The following EBF1 variants were observed in gnomAD, a reference collection of about 807,000 sequenced individuals.
The protein encoded by EBF1 is EBF transcription factor 1, also known as transcription factor COE1.
A neutral mutation model predicts 68.4 loss-of-function variants in EBF1; 10 were observed. The observed-to-expected ratio is 0.15, with a 90% CI of 0.09 to 0.25. EBF1 has a LOEUF of 0.25. EBF1 is among the 10% of genes least tolerant of loss of function. The pLI is 1.00. For missense variants in EBF1, 509 were observed against 794.4 expected, an observed-to-expected ratio of 0.64 and a Z score of 4.32; for synonymous variants, 298 against 299.8, an observed-to-expected ratio of 0.99 and a Z score of 0.06.
At chr5:158,791,182 G>A (rs1778526114) in intron 9 of EBF1, among the ~76,000 whole-genome samples, 2 of 151,992 alleles carry the variant, frequency 1.3e-5, no homozygotes, top group Non-Finnish European at 2.9e-5. Context: ...AGCTGGGTGT[G>A]GTGGCACGCA....
intron 8 of EBF1, among the ~76,000 whole-genome samples, chr5:158,819,445 CAG>C (rs1784393642): frequency 6.6e-6 from 1 of 152,214 alleles, no homozygotes; most frequent in Non-Finnish European, 1.5e-5. Flanking sequence ...CATTTTGCCA[CAG>C]GGGGAAGAAA....
chr5:158,747,397 T>C (rs1325131801), intron 10 of EBF1, among the ~76,000 whole-genome samples: 1 of 152,184 alleles, frequency 6.6e-6, no homozygotes, highest in African/African-American at 2.4e-5. Context: ...GGGTGAAGGA[T>C]TGGTAGGCAA....
At chr5:158,995,036 G>A (rs1274542809) in intron 6 of EBF1, among the ~76,000 whole-genome samples, 1 of 152,132 alleles carries the variant, frequency 6.6e-6, no homozygotes, top group Admixed American at 6.5e-5. Context: ...CCTTCTAATT[G>A]GTTACCCTCT....
intron 6 of EBF1, among the ~76,000 whole-genome samples, chr5:159,022,056 T>TTAA (rs765107678): frequency 9.5e-6 from 1 of 105,630 alleles, no homozygotes; most frequent in Admixed American, 1.1e-4. Flanking sequence ...GTCAGCACGA[T>TTAA]AAAAAAAAAA....
intron 2 of EBF1, 113 bp from the exon 3 acceptor site, chr5:159,096,519 C>T (rs1023159274): frequency 2.5e-6 from 3 of 1,180,422 alleles, no homozygotes; most frequent in African/African-American, 3.0e-5. Flanking sequence ...GCTGGCGAGC[C>T]AGGCAGCCAC....
chr5:158,973,168 ACT>A (rs1287913708), intron 6 of EBF1, among the ~76,000 whole-genome samples: 19 of 150,838 alleles, frequency 1.3e-4, no homozygotes, highest in African/African-American at 4.4e-4. Context: ...GGATTTTTTC[ACT>A]CTTTTATTTG....
intron 6 of EBF1, among the ~76,000 whole-genome samples, chr5:159,051,085 C>T (rs567647343): frequency 8.9e-4 from 136 of 152,112 alleles, no homozygotes; most frequent in Non-Finnish European, 1.5e-3. Context: ...TATGTTTTTA[C>T]CTCTTAAAGG....
intron 9 of EBF1, among the ~76,000 whole-genome samples, chr5:158,782,294 T>C (rs1221907828): frequency 1.3e-5 from 2 of 152,228 alleles, no homozygotes; most frequent in Non-Finnish European, 2.9e-5. Context: ...AATAGTGTCC[T>C]ATACATCTTT....
rs1430804835 is a variant in EBF1, at chr5:158,712,197, G to C, written c.1506C>G (p.Ser502=). 1.9e-6 allele frequency: 3 copies of C among 1,613,860 alleles called. No homozygotes were observed. Among genetic ancestry groups the C allele is most frequent in the Non-Finnish European group, 2.5e-6 (3 of 1,179,908 alleles). Residue 502 remains serine (S), a synonymous_variant, in exon 14 of 16, where the codon TCC becomes TCG. Coordinates refer to ENST00000313708, the MANE Select transcript of EBF1 (RefSeq NM_024007.5). ...GSAAMSNLGG[S]PTFLNGSAAN... is the part of the protein sequence containing the mutation. ...CAGCTGAGCCGTTGAGGAAGGTGGGGGAGCCGCCCAAATTGGACATTGCGG... is the reference window on the plus strand; with the variant it reads ...CAGCTGAGCCGTTGAGGAAGGTGGGCGAGCCGCCCAAATTGGACATTGCGG...
intron 5 of EBF1, among the ~76,000 whole-genome samples, chr5:159,075,622 T>G (rs368471174): frequency 1.3e-5 from 2 of 152,260 alleles, no homozygotes; most frequent in South Asian, 2.1e-4. Flanking sequence ...GACTCTGCAG[T>G]GGCTGCCTAC....
At chr5:158,882,887 G>A (rs950790502) in intron 6 of EBF1, among the ~76,000 whole-genome samples, 2 of 152,202 alleles carry the variant, frequency 1.3e-5, no homozygotes, top group African/African-American at 4.8e-5. Flanking sequence ...CTGCATGACT[G>A]TGTTAGGAAT....
intron 6 of EBF1, among the ~76,000 whole-genome samples, chr5:158,925,390 A>C (rs1467150880): frequency 1.3e-5 from 2 of 152,238 alleles, no homozygotes; most frequent in East Asian, 3.8e-4. Context: ...ATATTTGTTA[A>C]GTAAATGAAT....
chr5:158,832,159 C>A (rs145307239), intron 7 of EBF1, among the ~76,000 whole-genome samples: 1 of 152,214 alleles, frequency 6.6e-6, no homozygotes, highest in Non-Finnish European at 1.5e-5. Flanking sequence ...AAACCAAACA[C>A]TTTTACATTC....
intron 6 of EBF1, among the ~76,000 whole-genome samples, chr5:158,988,235 C>G (rs76673717): frequency 6.6e-6 from 1 of 152,178 alleles, no homozygotes; most frequent in African/African-American, 2.4e-5. Context: ...CCAGTGCCCC[C>G]CCTTCTCTTC....
chr5:158,707,072 C>G (rs1581177954), intron 15 of EBF1, among the ~76,000 whole-genome samples: 1 of 152,198 alleles, frequency 6.6e-6, no homozygotes, highest in East Asian at 1.9e-4. Flanking sequence ...TTGAAGCCAG[C>G]TTCTGCCATG....
chr5:159,017,559 C>T (rs1765865065), intron 6 of EBF1, among the ~76,000 whole-genome samples: 1 of 152,240 alleles, frequency 6.6e-6, no homozygotes, highest in Non-Finnish European at 1.5e-5. Flanking sequence ...ATAGCAAGGT[C>T]TCAACCTTGT....
intron 14 of EBF1, 56 bp from the exon 15 acceptor site, chr5:158,708,229 A>G: frequency 6.6e-7 from 1 of 1,522,242 alleles, no homozygotes; most frequent in East Asian, 2.5e-5. Flanking sequence ...TCCTGAAGCA[A>G]AGAAGCTCAG....
chr5:159,087,444 A>ACG (rs1198891254), intron 4 of EBF1, among the ~76,000 whole-genome samples: 1 of 149,940 alleles, frequency 6.7e-6, no homozygotes, highest in Non-Finnish European at 1.5e-5. Flanking sequence ...ATATATACAT[A>ACG]TATATATACA....
At position 158,699,120 on chromosome 5, in the gene EBF1, A is replaced by C. The variant is rs1415634963; in HGVS notation, c.1767T>G (p.Pro589=). ...CTTCAAGGCAATTCTTTCACATAGGAGGAACAATCATGCCAGATATCGCTA... is the reference window on the plus strand; with the variant it reads ...CTTCAAGGCAATTCTTTCACATAGGCGGAACAATCATGCCAGATATCGCTA... ...SLQAISGMIV[P]PM Residue 589 remains proline (P), a synonymous_variant, in exon 16 of 16, where the codon CCT becomes CCG. Transcript: ENST00000313708. 1 of 1,609,396 alleles carries C rather than the reference A, an allele frequency of 6.2e-7. No individual in the cohort carries two copies. Among genetic ancestry groups the C allele is most frequent in the South Asian group, 1.1e-5 (1 of 89,700 alleles).
Sources: gnomAD v4.1 joint callset for allele counts (sites outside exome capture counted in the v4.1 genomes callset) on GRCh38, gnomAD v4.1.1 for gene constraint, MANE v1.5 for transcripts, NCBI Gene and HGNC (gene_info 2026-07-23, HGNC 2026-07-21) for gene names.